The following LYST variants were observed in gnomAD, a reference collection of about 807,000 sequenced individuals.
The protein encoded by LYST is lysosomal trafficking regulator.
LYST carries 192 observed loss-of-function variants against 413.6 expected under a neutral mutation model. The ratio of observed to expected loss-of-function variants is 0.46; its 90% confidence interval spans 0.41 to 0.52. LYST has a LOEUF of 0.52. LYST is among the 20% of genes least tolerant of loss of function. LYST has a pLI of 0.00. For missense variants in LYST, 3,815 were observed against 4,499.9 expected (o/e 0.85, Z 4.35); for synonymous variants, 1,525 against 1,567.3 (o/e 0.97, Z 0.64).
intron 4 of LYST, among the ~76,000 whole-genome samples, chr1:235,811,571 C>T (rs28605663): frequency 0.027 from 4,147 of 152,226 alleles, 166 homozygotes; most frequent in African/African-American, 0.095. Context: ...AAATACTTCA[C>T]AGGGGAAATG....
intron 2 of LYST, among the ~76,000 whole-genome samples, chr1:235,831,955 T>C (rs1479280391): frequency 1.3e-5 from 2 of 152,194 alleles, no homozygotes; most frequent in Non-Finnish European, 2.9e-5. Context: ...TATGACACAA[T>C]GCTTCTTATC....
At chr1:235,829,982 A>G in intron 3 of LYST, 1 of 381,578 alleles carries the variant, frequency 2.6e-6, no homozygotes, top group Non-Finnish European at 4.7e-6. Context: ...TACGATAAAA[A>G]GCATAGTATA....
chr1:235,814,716 G>A (rs1218144883), intron 3 of LYST, among the ~76,000 whole-genome samples: 2 of 152,108 alleles, frequency 1.3e-5, no homozygotes, highest in Non-Finnish European at 2.9e-5. Flanking sequence ...AAGTGAGAAA[G>A]TAAAGACAGG....
In LYST at chr1:235,759,616, C is replaced by T; in HGVS notation, c.6254-17G>A. ...AATTCTCTCCTGGTAAGAGTAGATA[C>T]AAAAATACTACTTAAAAATCTATTA... On this transcript the variant is annotated splice_polypyrimidine_tract_variant and intron_variant, in intron 22 of 52. Transcript: ENST00000389793. 1 of 1,594,144 alleles carries T rather than the reference C, an allele frequency of 6.3e-7. No individual in the cohort carries two copies.
intron 40 of LYST, among the ~76,000 whole-genome samples, chr1:235,719,257 A>G (rs1420053200): frequency 6.6e-6 from 1 of 152,166 alleles, no homozygotes; most frequent in Admixed American, 6.5e-5. Context: ...GCCTCAAGCC[A>G]TCAGCCCACC....
chr1:235,844,535 A>C (rs1457199478), intron 1 of LYST, among the ~76,000 whole-genome samples: 1 of 152,188 alleles, frequency 6.6e-6, no homozygotes, highest in Non-Finnish European at 1.5e-5. Flanking sequence ...AGTTTAGAAG[A>C]TACATAGCCT....
intron 4 of LYST, among the ~76,000 whole-genome samples, chr1:235,812,155 A>G (rs1035088662): frequency 1.3e-5 from 2 of 152,174 alleles, no homozygotes; most frequent in African/African-American, 2.4e-5. Context: ...TAAATTAAAA[A>G]TATCTATCGA....
intron 12 of LYST, chr1:235,791,437 T>G: frequency 2.3e-6 from 1 of 436,230 alleles, no homozygotes; most frequent in South Asian, 2.1e-5. Flanking sequence ...ATAAGGAACT[T>G]TAGGGGCTGA....
intron 2 of LYST, among the ~76,000 whole-genome samples, chr1:235,832,555 T>C (rs1047628562): frequency 2.0e-5 from 3 of 152,204 alleles, no homozygotes; most frequent in Non-Finnish European, 4.4e-5. Flanking sequence ...TACTTGCTTT[T>C]ATTTAATTTA....
rs778605952 is a variant in LYST, at chr1:235,702,804, C to T, written c.10317G>A (p.Leu3439=). The part of the protein sequence containing the change: ...IEGELPAAVG[L]LVQFAFRETR... ...TCTCCCTGAAAGCAAACTGCACTAG[C>T]AACCCCACAGCAGCTGGAAGCTCTC... The change falls in exon 45 of 53, where the codon TTG becomes TTA. Residue 3439 remains leucine, a synonymous_variant. Transcript: ENST00000389793. 6.2e-7 allele frequency: 1 copy of T among 1,614,084 alleles called. No individual in the cohort carries two copies. Among genetic ancestry groups the T allele is most frequent in the African/African-American group, 1.3e-5 (1 of 74,930 alleles).
chr1:235,787,494 A>G (rs142260167), intron 13 of LYST, 121 bp from the exon 14 acceptor site: 1,177 of 843,208 alleles, frequency 1.4e-3, no homozygotes, highest in Non-Finnish European at 1.9e-3. Context: ...TATTTTTTTT[A>G]AAGTGCTTGA....
intron 1 of LYST, among the ~76,000 whole-genome samples, chr1:235,836,688 C>T (rs546733020): frequency 1.3e-5 from 2 of 152,300 alleles, no homozygotes; most frequent in East Asian, 3.9e-4. Context: ...AAGTGTTCCC[C>T]TGAAACCATT....
chr1:235,762,497 A>G (rs1177518520), intron 22 of LYST, among the ~76,000 whole-genome samples: 2 of 152,222 alleles, frequency 1.3e-5, no homozygotes, highest in African/African-American at 2.4e-5. Flanking sequence ...CAGAAGCTTG[A>G]TGAAAGACAA....
Position 235,830,424 on chromosome 1 carries a change from G to A in LYST, c.-7C>T. 1 of 1,602,178 alleles carries A rather than the reference G, an allele frequency of 6.2e-7. No individual in the cohort carries two copies. Among genetic ancestry groups the A allele is most frequent in the Non-Finnish European group, 8.5e-7 (1 of 1,172,376 alleles). On this transcript the variant is annotated splice_region_variant and 5_prime_UTR_variant, in exon 3 of 53. Transcript: ENST00000389793. The stretch of plus-strand genomic sequence containing the variant: ...AGTTACTGTCGGTGCTCATGACCGA[G>A]CTATAAAATAAGTATTACAAAAAAA...
intron 8 of LYST, among the ~76,000 whole-genome samples, chr1:235,801,369 C>A (rs1238721388): frequency 6.6e-6 from 1 of 151,710 alleles, no homozygotes. Context: ...TTTAACACAT[C>A]CCATGGACAC....
At chr1:235,693,087 G>A (rs758228881) in intron 47 of LYST, among the ~76,000 whole-genome samples, 7 of 152,202 alleles carry the variant, frequency 4.6e-5, no homozygotes, top group Admixed American at 2.0e-4. Flanking sequence ...AGGCCAAGGC[G>A]GGCAGATAAC....
chr1:235,671,796 G>A (rs1393780363), intron 50 of LYST, among the ~76,000 whole-genome samples: 2 of 152,192 alleles, frequency 1.3e-5, no homozygotes, highest in Admixed American at 6.5e-5. Flanking sequence ...ATGTAAATGG[G>A]AAGCAATTAG....
chr1:235,813,094 T>C (rs774218970), intron 3 of LYST, 33 bp from the exon 4 acceptor site: 1 of 1,228,600 alleles, frequency 8.1e-7, no homozygotes, highest in South Asian at 1.2e-5. Flanking sequence ...CTTCATGTTC[T>C]AAGGCGATAA....
chr1:235,785,114 T>C (rs1670285698), intron 14 of LYST, among the ~76,000 whole-genome samples: 1 of 152,168 alleles, frequency 6.6e-6, no homozygotes, highest in African/African-American at 2.4e-5. Flanking sequence ...CCTCCTGCAG[T>C]GATGCCCTGT....
Sources: gnomAD v4.1 joint callset for allele counts (sites outside exome capture counted in the v4.1 genomes callset) on GRCh38, gnomAD v4.1.1 for gene constraint, MANE v1.5 for transcripts, NCBI Gene and HGNC (gene_info 2026-07-23, HGNC 2026-07-21) for gene names.